Variants in KHDRBS2 observed in about 807,000 individuals in gnomAD.
KHDRBS2 encodes the protein KH domain-containing, RNA-binding, signal transduction-associated protein 2.
A neutral mutation model predicts 44.3 loss-of-function variants in KHDRBS2; 26 were observed. The ratio of observed to expected loss-of-function variants is 0.59; its 90% CI spans 0.43 to 0.81. The LOEUF is 0.81. Among genes scored for constraint, KHDRBS2 ranks in the 40% least tolerant of loss-of-function variants. The pLI, the probability that KHDRBS2 is intolerant of heterozygous loss-of-function variation, is 0.00. For synonymous variants in KHDRBS2, 194 were observed against 151.1 expected, an observed-to-expected ratio of 1.28 and a Z score of -2.08; for missense variants, 476 against 433.1, an observed-to-expected ratio of 1.10 and a Z score of -0.88.
the KHDRBS2 span, among the ~76,000 whole-genome samples, chr6:61,590,335 G>GA: frequency 6.6e-6 from 1 of 152,038 alleles, no homozygotes; most frequent in Non-Finnish European, 1.5e-5. Context: ...AGATGTCTTG[G>GA]GTATTGTCTC....
chr6:61,574,377 A>T, the KHDRBS2 span: 251 of 1,526,386 alleles, frequency 1.6e-4, 1 homozygote, highest in Middle Eastern at 4.7e-3. Flanking sequence ...ACTGCAACTG[A>T]CCTGCCCGTG....
chr6:61,568,396 T>G, the KHDRBS2 span, among the ~76,000 whole-genome samples: 1 of 152,126 alleles, frequency 6.6e-6, no homozygotes, highest in Non-Finnish European at 1.5e-5. Context: ...TGAGAGGGTG[T>G]GTTAAGACAG....
intron 4 of KHDRBS2, among the ~76,000 whole-genome samples, chr6:61,967,981 C>A (rs1283252114): frequency 6.7e-6 from 1 of 149,172 alleles, no homozygotes; most frequent in Non-Finnish European, 1.5e-5. Context: ...CATGCACACA[C>A]ACACATACTG....
intron 6 of KHDRBS2, among the ~76,000 whole-genome samples, chr6:61,847,677 G>T (rs1794609957): frequency 2.0e-5 from 3 of 152,000 alleles, no homozygotes; most frequent in Admixed American, 1.3e-4. Context: ...GATTACCTGT[G>T]ATCTGCATCA....
intron 1 of KHDRBS2, among the ~76,000 whole-genome samples, chr6:62,233,135 C>A (rs1434522643): frequency 2.0e-5 from 3 of 152,136 alleles, no homozygotes; most frequent in Non-Finnish European, 4.4e-5. Context: ...AAGAGGGTAG[C>A]TTCCTCAGAA....
chr6:62,221,282 A>G (rs1438373748), intron 1 of KHDRBS2, among the ~76,000 whole-genome samples: 3 of 152,138 alleles, frequency 2.0e-5, no homozygotes, highest in Non-Finnish European at 4.4e-5. Context: ...GAGATAGAGA[A>G]TGAAACAGTG....
intron 6 of KHDRBS2, among the ~76,000 whole-genome samples, chr6:61,824,503 C>A (rs1167662741): frequency 6.6e-6 from 1 of 152,026 alleles, no homozygotes; most frequent in Non-Finnish European, 1.5e-5. Context: ...GTCAATTAAC[C>A]CTCCTGTCTT....
intron 2 of KHDRBS2, among the ~76,000 whole-genome samples, chr6:62,066,384 T>C (rs1793730835): frequency 6.6e-6 from 1 of 151,690 alleles, no homozygotes; most frequent in Non-Finnish European, 1.5e-5. Flanking sequence ...GATATTTCTT[T>C]AGCCTTTCAA....
intron 2 of KHDRBS2, among the ~76,000 whole-genome samples, chr6:62,069,260 T>C (rs1044493145): frequency 1.5e-4 from 23 of 151,690 alleles, no homozygotes; most frequent in African/African-American, 5.6e-4. Flanking sequence ...TATTCTGTAT[T>C]CTTATAAAAA....
At chr6:61,966,584 G>A (rs1235407506) in intron 4 of KHDRBS2, among the ~76,000 whole-genome samples, 3 of 151,852 alleles carry the variant, frequency 2.0e-5, no homozygotes, top group Non-Finnish European at 4.4e-5. Flanking sequence ...ACTTGACCAC[G>A]GAAAATACAA....
intron 6 of KHDRBS2, among the ~76,000 whole-genome samples, chr6:61,872,178 G>A (rs1269281781): frequency 1.3e-5 from 2 of 151,982 alleles, no homozygotes; most frequent in Admixed American, 6.6e-5. Flanking sequence ...TCTATATTTA[G>A]GAATAAATTG....
At chr6:62,001,265 T>C (rs1778187204) in intron 3 of KHDRBS2, among the ~76,000 whole-genome samples, 1 of 152,144 alleles carries the variant, frequency 6.6e-6, no homozygotes, top group Admixed American at 6.6e-5. Context: ...TTAAAAACCA[T>C]CAACTATACA....
At chr6:61,596,634 C>CT in the KHDRBS2 span, among the ~76,000 whole-genome samples, 1 of 151,916 alleles carries the variant, frequency 6.6e-6, no homozygotes, top group Non-Finnish European at 1.5e-5. Flanking sequence ...ATTTGTACTT[C>CT]TTTTTTTAAT....
At chr6:61,567,475 A>G in the KHDRBS2 span, among the ~76,000 whole-genome samples, 4 of 152,096 alleles carry the variant, frequency 2.6e-5, no homozygotes, top group Admixed American at 6.6e-5. Context: ...CTCTACAAAA[A>G]AAGTAAAAAT....
At chr6:62,093,570 T>A (rs1245064755) in intron 2 of KHDRBS2, among the ~76,000 whole-genome samples, 1 of 152,002 alleles carries the variant, frequency 6.6e-6, no homozygotes, top group East Asian at 1.9e-4. Context: ...CTAATCATCC[T>A]ACTATGCAAT....
chr6:62,038,871 A>T (rs1207580517), intron 3 of KHDRBS2, among the ~76,000 whole-genome samples: 1 of 152,098 alleles, frequency 6.6e-6, no homozygotes, highest in African/African-American at 2.4e-5. Context: ...AAATATCCTT[A>T]TTATTTTGCT....
intron 1 of KHDRBS2, among the ~76,000 whole-genome samples, chr6:62,204,349 A>G (rs1827583308): frequency 6.6e-6 from 1 of 152,196 alleles, no homozygotes. Context: ...CTGATTCATG[A>G]AATCCATGGA....
intron 2 of KHDRBS2, among the ~76,000 whole-genome samples, chr6:62,131,111 AT>A (rs1584877463): frequency 6.6e-6 from 1 of 152,174 alleles, no homozygotes; most frequent in East Asian, 1.9e-4. Context: ...TGTAATCAGA[AT>A]TTATGAGGAT....
intron 6 of KHDRBS2, among the ~76,000 whole-genome samples, chr6:61,748,952 T>C (rs1274091343): frequency 1.3e-5 from 2 of 151,738 alleles, no homozygotes; most frequent in African/African-American, 2.4e-5. Context: ...TTTTAAATTT[T>C]ATTTAATTTT....
Sources: gnomAD v4.1 joint callset for allele counts (sites outside exome capture counted in the v4.1 genomes callset) on GRCh38, gnomAD v4.1.1 for gene constraint, MANE v1.5 for transcripts, NCBI Gene and HGNC (gene_info 2026-07-23, HGNC 2026-07-21) for gene names.